Variants in MICU1 observed in about 807,000 individuals in gnomAD.
The protein encoded by MICU1 is mitochondrial calcium uptake 1.
In MICU1, 45 loss-of-function variants were observed where a neutral mutation model predicts 56.8. That is an observed-to-expected ratio of 0.79 (90% confidence interval 0.62 to 1.02). The LOEUF is 1.02. MICU1 is among the 50% of genes least tolerant of loss of function. MICU1 has a pLI of 0.00. For synonymous variants in MICU1, 186 were observed against 195.1 expected (o/e 0.95, Z 0.39); for missense variants, 504 against 587.1 (o/e 0.86, Z 1.46).
intron 10 of MICU1, among the ~76,000 whole-genome samples, chr10:72,377,077 T>C (rs559941874): frequency 1.3e-5 from 2 of 151,922 alleles, no homozygotes; most frequent in African/African-American, 2.4e-5. Context: ...ACTGAGCCCA[T>C]TGGTATATGC....
chr10:72,500,279 TATATATATATATATATATATATA>T (rs1270134554), intron 6 of MICU1, among the ~76,000 whole-genome samples: 64 of 8,632 alleles, frequency 7.4e-3, no homozygotes, highest in Middle Eastern at 0.028. Context: ...TATATATATA[TATATATATATATATATATATATA>T]TTTTTTTTTT....
intron 1 of MICU1, among the ~76,000 whole-genome samples, chr10:72,588,780 G>T (rs1188333314): frequency 6.6e-6 from 1 of 152,060 alleles, no homozygotes; most frequent in South Asian, 2.1e-4. Context: ...GCTAGATGCC[G>T]GCAGCACCAT....
At chr10:72,469,144 G>C (rs1865879027) in intron 8 of MICU1, among the ~76,000 whole-genome samples, 1 of 152,180 alleles carries the variant, frequency 6.6e-6, no homozygotes, top group Non-Finnish European at 1.5e-5. Context: ...AAAGTGCCTG[G>C]CTCATAGTAG....
intron 1 of MICU1, among the ~76,000 whole-genome samples, chr10:72,590,720 G>A (rs1841199672): frequency 6.6e-6 from 1 of 152,038 alleles, no homozygotes; most frequent in Admixed American, 6.6e-5. Context: ...GGCTGAGGCA[G>A]GAGAATTGCT....
chr10:72,605,721 G>A (rs140737077), intron 1 of MICU1, among the ~76,000 whole-genome samples: 4 of 152,148 alleles, frequency 2.6e-5, no homozygotes, highest in African/African-American at 2.4e-5. Flanking sequence ...TAGGTTATAC[G>A]CAAATAGTAC....
At position 72,419,345 on chromosome 10, in the gene MICU1, A is replaced by G. The variant is rs183119861; in HGVS notation, c.1071+3889T>C. Among the ~76,000 whole-genome samples the G allele has an allele frequency of 3.8e-4, 58 of 152,304 alleles. 1 individual carries two copies. The highest frequency in any genetic ancestry group is 1.3e-3 in the African/African-American group (55 of 41,564). ...GTATTGGGTACTGTAGAAGTGCTCT[A>G]TGGGAGATAAATGTTTTTTCTCTGT... On this transcript the variant is annotated intron_variant, in intron 9 of 11. Coordinates refer to ENST00000361114, the MANE Select transcript of MICU1 (RefSeq NM_001195518.2).
At chr10:72,455,767 A>G (rs1865439506) in intron 8 of MICU1, among the ~76,000 whole-genome samples, 1 of 152,206 alleles carries the variant, frequency 6.6e-6, no homozygotes. Flanking sequence ...TAATGGCAAC[A>G]ATAAACCATG....
At chr10:72,543,744 G>A (rs1041270435) in intron 4 of MICU1, among the ~76,000 whole-genome samples, 4 of 151,922 alleles carry the variant, frequency 2.6e-5, no homozygotes, top group Admixed American at 2.6e-4. Context: ...AGTCCCAGCT[G>A]GAGGCTGAGG....
chr10:72,450,826 G>C (rs1404850612), intron 8 of MICU1, among the ~76,000 whole-genome samples: 1 of 150,172 alleles, frequency 6.7e-6, no homozygotes, highest in East Asian at 1.9e-4. Flanking sequence ...TCGGGTTCAA[G>C]CGATTCTCCC....
chr10:72,452,330 T>C (rs1283559841), intron 8 of MICU1, among the ~76,000 whole-genome samples: 1 of 152,126 alleles, frequency 6.6e-6, no homozygotes, highest in Non-Finnish European at 1.5e-5. Flanking sequence ...CACATAAACA[T>C]GAGGCCAAGA....
At chr10:72,559,812 T>C (rs759360865) in intron 3 of MICU1, among the ~76,000 whole-genome samples, 1 of 152,210 alleles carries the variant, frequency 6.6e-6, no homozygotes, top group Non-Finnish European at 1.5e-5. Context: ...CCAGGCTGCA[T>C]AGCAGGAGGT....
intron 8 of MICU1, among the ~76,000 whole-genome samples, chr10:72,444,723 A>G (rs1364762624): frequency 6.6e-6 from 1 of 152,234 alleles, no homozygotes; most frequent in East Asian, 1.9e-4. Flanking sequence ...TGTTGGGATT[A>G]CAGGCGTGAG....
At chr10:72,380,509 G>T (rs1300509998) in intron 10 of MICU1, among the ~76,000 whole-genome samples, 2 of 152,122 alleles carry the variant, frequency 1.3e-5, no homozygotes, top group Non-Finnish European at 2.9e-5. Context: ...ACAGTAAAAA[G>T]AAACCCTGAG....
intron 8 of MICU1, among the ~76,000 whole-genome samples, chr10:72,469,998 T>C (rs1049448370): frequency 6.6e-6 from 1 of 152,184 alleles, no homozygotes; most frequent in Non-Finnish European, 1.5e-5. Context: ...AAAGACCTTA[T>C]CTCCAAGTAA....
chr10:72,433,271 T>C (rs1266980783), intron 8 of MICU1, among the ~76,000 whole-genome samples: 1 of 151,268 alleles, frequency 6.6e-6, no homozygotes. Flanking sequence ...TGAGACAGAG[T>C]CTTGCTCTGT....
chr10:72,585,362 G>C (rs1445985484), intron 1 of MICU1, among the ~76,000 whole-genome samples: 2 of 152,054 alleles, frequency 1.3e-5, no homozygotes, highest in Admixed American at 6.6e-5. Context: ...ATACCTTGTA[G>C]CAACATCAGC....
chr10:72,481,403 G>GTTTTGTT (rs764147253), intron 6 of MICU1, among the ~76,000 whole-genome samples: 1 of 151,930 alleles, frequency 6.6e-6, no homozygotes, highest in Non-Finnish European at 1.5e-5. Flanking sequence ...TTTGGTTTTT[G>GTTTTGTT]TTTTGTTTTT....
At chr10:72,470,623 C>A (rs372260989) in intron 8 of MICU1, among the ~76,000 whole-genome samples, 1 of 152,104 alleles carries the variant, frequency 6.6e-6, no homozygotes, top group African/African-American at 2.4e-5. Context: ...GATAGCAGAC[C>A]CCTCATGACC....
intron 5 of MICU1, among the ~76,000 whole-genome samples, chr10:72,522,353 T>C (rs1391088922): frequency 6.6e-6 from 1 of 152,102 alleles, no homozygotes; most frequent in Non-Finnish European, 1.5e-5. Context: ...CATGTTTATG[T>C]TTTCAAATCA....
Sources: allele counts gnomAD v4.1 joint callset (sites outside exome capture counted in the v4.1 genomes callset), GRCh38; gene constraint gnomAD v4.1.1; transcripts MANE v1.5; gene names NCBI Gene and HGNC (gene_info 2026-07-23, HGNC 2026-07-21).